TAAR5: variants seen among roughly 807,000 people sequenced by gnomAD.
The protein encoded by TAAR5 is trace amine-associated receptor 5.
Under a neutral mutation model 21.1 loss-of-function variants are expected in TAAR5, and 27 were observed. The ratio of observed to expected loss-of-function variants is 1.28; its 90% CI spans 0.94 to 1.76. The LOEUF (loss-of-function observed/expected upper bound fraction) is 1.76, where lower values mean the gene tolerates loss of function less well. Among genes scored for constraint, TAAR5 ranks in the 40% most tolerant of loss-of-function variants. The pLI is 0.00. For missense variants in TAAR5, 495 were observed against 405.6 expected (o/e 1.22, Z -1.89); for synonymous variants, 203 against 167.5 (o/e 1.21, Z -1.64).
the TAAR5 span, among the ~76,000 whole-genome samples, chr6:132,607,472 TG>T: frequency 2.2e-4 from 34 of 152,066 alleles, no homozygotes; most frequent in Non-Finnish European, 8.8e-5. Context: ...GAAATTTGTT[TG>T]GGGGGTACCC....
the TAAR5 span, among the ~76,000 whole-genome samples, chr6:132,614,745 G>T: frequency 6.6e-6 from 1 of 152,116 alleles, no homozygotes; most frequent in Non-Finnish European, 1.5e-5. Context: ...TCAGATCCAG[G>T]AGCTTCCAGA....
chr6:132,607,552 A>G, the TAAR5 span, among the ~76,000 whole-genome samples: 2 of 152,176 alleles, frequency 1.3e-5, no homozygotes, highest in Non-Finnish European at 2.9e-5. Flanking sequence ...CTGGCCAATC[A>G]TGGAGACATA....
the TAAR5 span, chr6:132,608,096 T>C: frequency 3.0e-6 from 1 of 338,750 alleles, no homozygotes; most frequent in Non-Finnish European, 5.7e-6. Flanking sequence ...TGAATGTACC[T>C]CTTGTGTAGG....
At chr6:132,591,919 T>A (rs569813981), upstream of TAAR5, among the ~76,000 whole-genome samples, 2 of 152,324 alleles carry the variant, frequency 1.3e-5, no homozygotes, top group African/African-American at 4.8e-5. Context: ...TATTAATGAG[T>A]TAAAATTCAT....
At chr6:132,592,983 C>G (rs551934557), upstream of TAAR5, among the ~76,000 whole-genome samples, 3 of 152,262 alleles carry the variant, frequency 2.0e-5, no homozygotes, top group South Asian at 6.2e-4. Flanking sequence ...ACAGACTTTG[C>G]CATATGCCCT....
chr6:132,596,490 T>C, the TAAR5 span, among the ~76,000 whole-genome samples: 1 of 152,172 alleles, frequency 6.6e-6, no homozygotes, highest in Non-Finnish European at 1.5e-5. Flanking sequence ...CCAGATTTAA[T>C]TGAAAAAGAC....
At chr6:132,609,321 G>A in the TAAR5 span, 1 of 242,074 alleles carries the variant, frequency 4.1e-6, no homozygotes, top group Admixed American at 5.2e-5. Flanking sequence ...ATGAGTCACT[G>A]TTTCTTCTCT....
the TAAR5 span, among the ~76,000 whole-genome samples, chr6:132,599,684 A>G: frequency 6.6e-6 from 1 of 152,154 alleles, no homozygotes; most frequent in East Asian, 1.9e-4. Context: ...ATCAACTGGT[A>G]AGGACTAACT....
At chr6:132,611,373 C>T in the TAAR5 span, among the ~76,000 whole-genome samples, 1,213 of 151,468 alleles carry the variant, frequency 8.0e-3, 16 homozygotes, top group Non-Finnish European at 7.3e-3. Context: ...TTAAGTAGCA[C>T]ATTAGGGTGA....
At chr6:132,608,957 T>C in the TAAR5 span, 1 of 455,738 alleles carries the variant, frequency 2.2e-6, no homozygotes, top group African/African-American at 2.0e-5. Context: ...TCAAAGCTTG[T>C]GTGGAATTTA....
chr6:132,604,121 ATTTTTTCTTTTCT>A, the TAAR5 span, among the ~76,000 whole-genome samples: 2,603 of 146,108 alleles, frequency 0.018, 30 homozygotes, highest in Non-Finnish European at 0.028. Flanking sequence ...ATTTTAACAT[ATTTTTTCTTTTCT>A]TTTTTTCTTT....
At chr6:132,604,473 C>T in the TAAR5 span, among the ~76,000 whole-genome samples, 1 of 151,636 alleles carries the variant, frequency 6.6e-6, no homozygotes. Context: ...AAAAAGAACA[C>T]AGAAAACTCA....
At chr6:132,601,793 T>C in the TAAR5 span, among the ~76,000 whole-genome samples, 4 of 152,328 alleles carry the variant, frequency 2.6e-5, no homozygotes, top group South Asian at 6.2e-4. Context: ...AAAATTAGCA[T>C]GTGTAATATT....
rs774234938 is a variant in TAAR5 at position 132,589,222 on chromosome 6, G to A, written c.465C>T (p.Ile155=). Residue 155 remains isoleucine, a synonymous_variant, in exon 1 of 1, where the codon ATC becomes ATT. Transcript: ENST00000258034. ...CTGCGGGCACCCCCCATCCTGCCAGGATGTACCTGAGAGCCACCCTCACTG... is the reference window on the plus strand; with the variant it reads ...CTGCGGGCACCCCCCATCCTGCCAGAATGTACCTGAGAGCCACCCTCACTG... ...KFTVRVALRY[I]LAGWGVPAAY... is the part of the protein sequence containing the mutation. The A allele has an allele frequency of 6.2e-7, 1 of 1,606,420 alleles. No homozygotes were observed. Among genetic ancestry groups the A allele is most frequent in the Non-Finnish European group, 8.5e-7 (1 of 1,176,152 alleles).
At chr6:132,615,877 AACACACACACACACAC>A in the TAAR5 span, among the ~76,000 whole-genome samples, 1 of 145,138 alleles carries the variant, frequency 6.9e-6, no homozygotes, top group Non-Finnish European at 1.5e-5. Flanking sequence ...ACCATGTATA[AACACACACACACACAC>A]ACACACACAC....
chr6:132,613,116 A>C, the TAAR5 span, among the ~76,000 whole-genome samples: 1 of 152,186 alleles, frequency 6.6e-6, no homozygotes, highest in African/African-American at 2.4e-5. Flanking sequence ...TAAACGAAAT[A>C]TTTACAAAGA....
chr6:132,596,135 G>A, the TAAR5 span, among the ~76,000 whole-genome samples: 1 of 152,038 alleles, frequency 6.6e-6, no homozygotes, highest in African/African-American at 2.4e-5. Flanking sequence ...ATAAATCTGT[G>A]GCTTATCTCC....
At chr6:132,602,239 A>T in the TAAR5 span, among the ~76,000 whole-genome samples, 2 of 152,184 alleles carry the variant, frequency 1.3e-5, 1 homozygote, top group Non-Finnish European at 2.9e-5. Context: ...AGCACATTAT[A>T]TTTATTGTGC....
the TAAR5 span, among the ~76,000 whole-genome samples, chr6:132,599,658 A>T: frequency 2.6e-5 from 4 of 152,060 alleles, no homozygotes; most frequent in Admixed American, 2.0e-4. Context: ...AATAGAAACA[A>T]ATTATTCATA....
Sources: allele counts gnomAD v4.1 joint callset (sites outside exome capture counted in the v4.1 genomes callset), GRCh38; gene constraint gnomAD v4.1.1; transcripts MANE v1.5; gene names NCBI Gene and HGNC (gene_info 2026-07-23, HGNC 2026-07-21).